Variants in PDE4D observed in about 807,000 individuals in gnomAD.
The protein encoded by PDE4D is 3',5'-cyclic-AMP phosphodiesterase 4D.
In PDE4D, 24 loss-of-function variants were observed where a neutral mutation model predicts 87.4. The ratio of observed to expected loss-of-function variants is 0.27; its 90% CI spans 0.20 to 0.39. The LOEUF is 0.39. Ranked by LOEUF, PDE4D falls within the 10% of genes least tolerant of loss-of-function variation. The pLI is 1.00. For missense variants in PDE4D, 714 were observed against 1,041.0 expected (o/e 0.69, Z 4.32); for synonymous variants, 384 against 383.2 (o/e 1.00, Z -0.02).
intron 1 of PDE4D, among the ~76,000 whole-genome samples, chr5:59,431,490 TG>T (rs1796108297): frequency 6.6e-6 from 1 of 152,142 alleles, no homozygotes; most frequent in Non-Finnish European, 1.5e-5. Context: ...TCCTGGGACC[TG>T]GGTAAACATA....
chr5:59,160,836 G>A (rs1046742975), intron 5 of PDE4D, among the ~76,000 whole-genome samples: 1 of 151,846 alleles, frequency 6.6e-6, no homozygotes. Flanking sequence ...GGTGGCTCAC[G>A]CCTGTAATCC....
intron 1 of PDE4D, among the ~76,000 whole-genome samples, chr5:59,358,701 A>T (rs1014282716): frequency 6.6e-6 from 1 of 151,906 alleles, no homozygotes; most frequent in Non-Finnish European, 1.5e-5. Flanking sequence ...AGGAGTCCCT[A>T]ACAGCTGGTG....
intron 1 of PDE4D, among the ~76,000 whole-genome samples, chr5:60,263,450 G>T (rs1386885875): frequency 2.0e-5 from 3 of 152,306 alleles, no homozygotes; most frequent in African/African-American, 7.2e-5. Flanking sequence ...AAGAACAAGT[G>T]ACAATTAGTA....
chr5:59,738,842 C>A (rs1758451103), intron 1 of PDE4D, among the ~76,000 whole-genome samples: 1 of 151,770 alleles, frequency 6.6e-6, no homozygotes, highest in South Asian at 2.1e-4. Flanking sequence ...TTCTTTTTAT[C>A]CTTTTCAATC....
chr5:60,416,610 C>T (rs923589393), intron 1 of PDE4D, among the ~76,000 whole-genome samples: 1 of 152,188 alleles, frequency 6.6e-6, no homozygotes, highest in Non-Finnish European at 1.5e-5. Flanking sequence ...CGAACACATC[C>T]GAACATCAGA....
At chr5:59,284,870 T>A (rs1221540246) in intron 1 of PDE4D, among the ~76,000 whole-genome samples, 2 of 41,764 alleles carry the variant, frequency 4.8e-5, no homozygotes, top group African/African-American at 1.9e-4. Flanking sequence ...CACCATGGAA[T>A]ACTATGCAGC....
chr5:60,176,070 T>C lies in PDE4D; in HGVS notation c.42+9487A>G, dbSNP rs558608343. Among the ~76,000 whole-genome samples the C allele has an allele frequency of 5.3e-5, 8 of 152,246 alleles. No individual in the cohort carries two copies. In the South Asian group the frequency reaches 1.5e-3, roughly 28 times the overall value. ...GGTGGCTGCTGTTCTCCCCAGTCTT[T>C]CCTGTGAGTGCCTGGTGGGGTTTGT... On this transcript the variant is annotated intron_variant, in intron 2 of 16. Coordinates refer to the PDE4D transcript ENST00000502484.
At chr5:60,375,893 G>T in intron 1 of PDE4D, among the ~76,000 whole-genome samples, 1 of 152,150 alleles carries the variant, frequency 6.6e-6, no homozygotes, top group East Asian at 1.9e-4. Flanking sequence ...ACAACAATTA[G>T]CTGGGTGTGG....
At chr5:60,206,612 G>C (rs1018260587) in intron 1 of PDE4D, among the ~76,000 whole-genome samples, 1 of 152,196 alleles carries the variant, frequency 6.6e-6, no homozygotes, top group African/African-American at 2.4e-5. Flanking sequence ...AAATCTTCCA[G>C]TGACTTTCTG....
At chr5:60,511,883 T>C (rs1750591610) in intron 1 of PDE4D, among the ~76,000 whole-genome samples, 1 of 152,206 alleles carries the variant, frequency 6.6e-6, no homozygotes, top group African/African-American at 2.4e-5. Context: ...TCAAGCACTC[T>C]ATTAATGCTA....
At chr5:59,800,907 T>C (rs2938780) in intron 1 of PDE4D, among the ~76,000 whole-genome samples, 61,202 of 152,130 alleles carry the variant, frequency 0.4, 12,626 homozygotes, top group Non-Finnish European at 0.43. Flanking sequence ...CCATACAAAA[T>C]TGCTATTAGT....
At chr5:60,453,249 G>A (rs967351577) in intron 1 of PDE4D, among the ~76,000 whole-genome samples, 6 of 152,094 alleles carry the variant, frequency 3.9e-5, no homozygotes, top group African/African-American at 1.2e-4. Flanking sequence ...GTTTGCTTGT[G>A]CATATCAGAT....
chr5:59,688,225 G>A (rs1235886723), intron 1 of PDE4D, among the ~76,000 whole-genome samples: 1 of 152,152 alleles, frequency 6.6e-6, no homozygotes, highest in East Asian at 1.9e-4. Flanking sequence ...GGACCTAATA[G>A]ACATCTACAG....
intron 1 of PDE4D, among the ~76,000 whole-genome samples, chr5:59,283,181 C>T (rs1766180694): frequency 6.6e-6 from 1 of 152,116 alleles, no homozygotes; most frequent in Non-Finnish European, 1.5e-5. Context: ...TAAATAATAT[C>T]TGCTATTAAA....
At chr5:59,368,313 G>A (rs1783404131) in intron 1 of PDE4D, among the ~76,000 whole-genome samples, 1 of 152,096 alleles carries the variant, frequency 6.6e-6, no homozygotes, top group African/African-American at 2.4e-5. Flanking sequence ...TTCGGTAAAT[G>A]AAAATTGAAA....
intron 1 of PDE4D, among the ~76,000 whole-genome samples, chr5:59,621,327 C>G (rs1830328615): frequency 2.0e-5 from 3 of 152,110 alleles, no homozygotes; most frequent in African/African-American, 4.8e-5. Flanking sequence ...TAATGGATAT[C>G]CTTTATGTTT....
At chr5:59,341,111 T>C (rs1261852250) in intron 1 of PDE4D, among the ~76,000 whole-genome samples, 1 of 152,180 alleles carries the variant, frequency 6.6e-6, no homozygotes, top group Non-Finnish European at 1.5e-5. Flanking sequence ...GCACATCTGA[T>C]TTGGATTAGC....
intron 1 of PDE4D, among the ~76,000 whole-genome samples, chr5:59,464,570 C>T (rs1801279503): frequency 1.3e-5 from 2 of 152,192 alleles, no homozygotes; most frequent in Admixed American, 6.5e-5. Context: ...GAAACACCCA[C>T]GAATGATCAA....
At chr5:59,702,424 C>A (rs1157092214) in intron 1 of PDE4D, among the ~76,000 whole-genome samples, 5 of 152,026 alleles carry the variant, frequency 3.3e-5, no homozygotes, top group African/African-American at 1.2e-4. Flanking sequence ...CTGCGCCTGG[C>A]CAATTATTCC....
Sources: gnomAD v4.1 joint callset for allele counts (sites outside exome capture counted in the v4.1 genomes callset) on GRCh38, gnomAD v4.1.1 for gene constraint, MANE v1.5 for transcripts, NCBI Gene and HGNC (gene_info 2026-07-23, HGNC 2026-07-21) for gene names.